Variants in SLC71A1 observed in about 807,000 individuals in gnomAD.
SLC71A1 encodes hippocampus abundant gene transcript 1.
chr1:100,076,819 C>T, the SLC71A1 span, among the ~76,000 whole-genome samples: 1 of 152,108 alleles, frequency 6.6e-6, no homozygotes, highest in Non-Finnish European at 1.5e-5. Context: ...CTAACTTGGA[C>T]CTAAACAAGC....
the SLC71A1 span, among the ~76,000 whole-genome samples, chr1:100,067,142 TA>T: frequency 5.3e-5 from 8 of 152,120 alleles, no homozygotes; most frequent in African/African-American, 1.7e-4. Flanking sequence ...CCAGTCTTCT[TA>T]AAAAAATCTC....
chr1:100,063,163 G>A, the SLC71A1 span, among the ~76,000 whole-genome samples: 4 of 152,002 alleles, frequency 2.6e-5, no homozygotes, highest in African/African-American at 9.7e-5. Context: ...TGGTTGGTTC[G>A]TTGGTTTGGT....
chr1:100,054,630 A>G, the SLC71A1 span, among the ~76,000 whole-genome samples: 1 of 152,222 alleles, frequency 6.6e-6, no homozygotes, highest in Non-Finnish European at 1.5e-5. Flanking sequence ...CATCTCTTCT[A>G]CCTAGATGGT....
At chr1:100,082,348 C>G in the SLC71A1 span, 1 of 666,780 alleles carries the variant, frequency 1.5e-6, no homozygotes, top group East Asian at 2.7e-5. Flanking sequence ...TCCGTGGGAA[C>G]TAAAGGAAGT....
At chr1:100,083,160 G>A in the SLC71A1 span, 1 of 152,394 alleles carries the variant, frequency 6.6e-6, no homozygotes, top group African/African-American at 2.4e-5. Context: ...TCTCTAAAGT[G>A]TATATTTTTG....
At chr1:100,051,733 T>C in the SLC71A1 span, among the ~76,000 whole-genome samples, 1 of 152,350 alleles carries the variant, frequency 6.6e-6, no homozygotes, top group Middle Eastern at 3.4e-3. Flanking sequence ...CATACAAATC[T>C]GTCTGGTAGA....
chr1:100,055,465 A>G, the SLC71A1 span, among the ~76,000 whole-genome samples: 1 of 151,898 alleles, frequency 6.6e-6, no homozygotes, highest in South Asian at 2.1e-4. Flanking sequence ...TACTTAGTTA[A>G]TGCATGCAGT....
At chr1:100,046,212 GTTTTTTTTTTTTTTTT>G in the SLC71A1 span, among the ~76,000 whole-genome samples, 5,315 of 54,192 alleles carry the variant, frequency 0.098, 164 homozygotes, top group South Asian at 0.16. Flanking sequence ...TCCAAGCCTC[GTTTTTTTTTTTTTTTT>G]TTTTTTTTTT....
chr1:100,068,427 G>T, the SLC71A1 span: 3 of 1,311,132 alleles, frequency 2.3e-6, no homozygotes, highest in African/African-American at 4.4e-5. Flanking sequence ...TAGTTCAGTG[G>T]TTTTGATAGA....
chr1:100,050,914 G>T, the SLC71A1 span, among the ~76,000 whole-genome samples: 1 of 151,854 alleles, frequency 6.6e-6, no homozygotes, highest in East Asian at 1.9e-4. Flanking sequence ...GTAAAACCTT[G>T]TCTCTACAAA....
chr1:100,062,499 G>A, the SLC71A1 span, among the ~76,000 whole-genome samples: 1 of 151,748 alleles, frequency 6.6e-6, no homozygotes. Context: ...AATTATGGCA[G>A]TATAATGTGT....
chr1:100,059,651 T>G, the SLC71A1 span, among the ~76,000 whole-genome samples: 2 of 152,016 alleles, frequency 1.3e-5, no homozygotes, highest in Non-Finnish European at 2.9e-5. Flanking sequence ...GAGAATTTAT[T>G]AGAGCAGTTC....
the SLC71A1 span, among the ~76,000 whole-genome samples, chr1:100,047,725 G>C: frequency 1.3e-5 from 2 of 152,084 alleles, no homozygotes; most frequent in Non-Finnish European, 2.9e-5. Flanking sequence ...CCCGGCCGAT[G>C]AATGATCTTT....
the SLC71A1 span, among the ~76,000 whole-genome samples, chr1:100,045,914 G>A: frequency 6.6e-6 from 1 of 152,076 alleles, no homozygotes; most frequent in Non-Finnish European, 1.5e-5. Context: ...TTAGATTTAA[G>A]TCTTTAATCC....
the SLC71A1 span, chr1:100,058,677 A>G: frequency 6.4e-7 from 1 of 1,565,312 alleles, no homozygotes; most frequent in Non-Finnish European, 8.8e-7. Context: ...TATTACATGA[A>G]ACCTTTCCTA....
the SLC71A1 span, chr1:100,068,510 T>C: frequency 5.6e-6 from 9 of 1,613,910 alleles, no homozygotes; most frequent in Non-Finnish European, 8.5e-7. Flanking sequence ...ATAGTGCTGC[T>C]GATCTGCATT....
At chr1:100,044,227 T>C in the SLC71A1 span, among the ~76,000 whole-genome samples, 1 of 152,250 alleles carries the variant, frequency 6.6e-6, no homozygotes, top group African/African-American at 2.4e-5. Context: ...TTTTTGATTT[T>C]TAAATTATGG....
the SLC71A1 span, among the ~76,000 whole-genome samples, chr1:100,068,843 C>T: frequency 2.8e-4 from 43 of 152,016 alleles, no homozygotes; most frequent in African/African-American, 9.4e-4. Flanking sequence ...ACTAGCCAGG[C>T]GTAGTGGCGG....
the SLC71A1 span, among the ~76,000 whole-genome samples, chr1:100,070,580 C>T: frequency 1.3e-5 from 2 of 152,258 alleles, no homozygotes; most frequent in African/African-American, 4.8e-5. Flanking sequence ...TATTAATCAA[C>T]ACAGGAATTT....
Sources: allele counts gnomAD v4.1 joint callset (sites outside exome capture counted in the v4.1 genomes callset), GRCh38; gene constraint gnomAD v4.1.1; transcripts MANE v1.5; gene names NCBI Gene and HGNC (gene_info 2026-07-23, HGNC 2026-07-21).